The following NRG3 variants were observed in gnomAD, a reference collection of about 807,000 sequenced individuals.
NRG3 encodes the protein pro-neuregulin-3, membrane-bound isoform.
In NRG3, 31 loss-of-function variants were observed where a neutral mutation model predicts 66.9. That is an observed-to-expected ratio of 0.46 (90% CI 0.35 to 0.63). NRG3 has a LOEUF of 0.63. Ranked by LOEUF, NRG3 falls within the 20% of genes least tolerant of loss-of-function variation. The probability of loss-of-function intolerance (pLI) is 0.00; values close to 1 mark genes in which losing one functional copy is unlikely to be tolerated. For missense variants in NRG3, 910 were observed against 878.9 expected (o/e 1.04, Z -0.45); for synonymous variants, 393 against 359.4 (o/e 1.09, Z -1.06).
At chr10:82,373,843 T>C (rs2135762114) in intron 2 of NRG3, among the ~76,000 whole-genome samples, 1 of 152,314 alleles carries the variant, frequency 6.6e-6, no homozygotes, top group South Asian at 2.1e-4. Context: ...TGGGTTAGCA[T>C]ATGTGAAAGA....
chr10:82,464,423 C>T (rs372651755), intron 2 of NRG3, among the ~76,000 whole-genome samples: 3 of 152,126 alleles, frequency 2.0e-5, no homozygotes, highest in East Asian at 3.9e-4. Flanking sequence ...GATTGTGCAG[C>T]GGAATCCAAA....
intron 1 of NRG3, among the ~76,000 whole-genome samples, chr10:82,194,645 G>C (rs534373380): frequency 2.0e-5 from 3 of 152,232 alleles, no homozygotes; most frequent in African/African-American, 4.8e-5. Context: ...GTCAGACAGT[G>C]GTCTGAGCAG....
intron 3 of NRG3, among the ~76,000 whole-genome samples, chr10:82,855,168 G>T (rs775250523): frequency 6.6e-6 from 1 of 152,078 alleles, no homozygotes; most frequent in South Asian, 2.1e-4. Context: ...TTGTGAAGTG[G>T]TATTCGTCAT....
chr10:82,739,463 A>C (rs766677394), intron 3 of NRG3, among the ~76,000 whole-genome samples: 1 of 152,212 alleles, frequency 6.6e-6, no homozygotes, highest in South Asian at 2.1e-4. Context: ...GGTTTTCTGA[A>C]TATCATACAT....
At chr10:82,072,804 T>C (rs2064882206) in intron 1 of NRG3, among the ~76,000 whole-genome samples, 2 of 152,094 alleles carry the variant, frequency 1.3e-5, no homozygotes, top group Non-Finnish European at 2.9e-5. Context: ...TCTTGCTCCA[T>C]GGCCCAAGCT....
At chr10:82,081,573 A>G (rs991647007) in intron 1 of NRG3, among the ~76,000 whole-genome samples, 1 of 152,210 alleles carries the variant, frequency 6.6e-6, no homozygotes, top group African/African-American at 2.4e-5. Context: ...AGGTACTTCT[A>G]TATCTGAATT....
At chr10:82,061,814 C>T (rs1319051081) in intron 1 of NRG3, among the ~76,000 whole-genome samples, 2 of 151,608 alleles carry the variant, frequency 1.3e-5, no homozygotes, top group African/African-American at 4.9e-5. Flanking sequence ...TCCTTTCCTT[C>T]TGTTCTCTTC....
At position 82,001,627 on chromosome 10, in the gene NRG3, C is replaced by T. The variant is rs75832609; in HGVS notation, c.823+125464C>T. Among the ~76,000 whole-genome samples, 1,379 of 152,198 alleles carry T rather than the reference C, an allele frequency of 9.1e-3. 18 individuals are homozygous for T. Among genetic ancestry groups the T allele is most frequent in the African/African-American group, 0.032 (1,319 of 41,532 alleles). Reference sequence around the variant, plus strand: ...GAAAGCTTACCTTACTACGCAAGTGCCCTATTTTCTACACATAGGAAAGCT... The same window carrying T: ...GAAAGCTTACCTTACTACGCAAGTGTCCTATTTTCTACACATAGGAAAGCT... On this transcript the variant is annotated intron_variant, in intron 1 of 8. Transcript: ENST00000372141.
At chr10:82,201,476 T>C (rs975404931) in intron 1 of NRG3, among the ~76,000 whole-genome samples, 1 of 152,140 alleles carries the variant, frequency 6.6e-6, no homozygotes, top group Non-Finnish European at 1.5e-5. Context: ...GTCTTCTCAG[T>C]CTTCATGTTA....
At chr10:82,735,163 A>G (rs952078587) in intron 2 of NRG3, among the ~76,000 whole-genome samples, 1 of 152,184 alleles carries the variant, frequency 6.6e-6, no homozygotes, top group South Asian at 2.1e-4. Flanking sequence ...AACAATTACA[A>G]TGTCTCGGCT....
At chr10:82,662,960 A>C (rs2052480889) in intron 2 of NRG3, among the ~76,000 whole-genome samples, 1 of 152,200 alleles carries the variant, frequency 6.6e-6, no homozygotes, top group African/African-American at 2.4e-5. Context: ...AAGAAGAAAA[A>C]GACAACATGG....
intron 2 of NRG3, among the ~76,000 whole-genome samples, chr10:82,624,917 T>A (rs1333404547): frequency 5.0e-5 from 7 of 138,826 alleles, no homozygotes; most frequent in African/African-American, 7.8e-5. Flanking sequence ...ATATATATAT[T>A]TTATATATAT....
At chr10:82,618,574 C>A (rs888033045) in intron 2 of NRG3, among the ~76,000 whole-genome samples, 4 of 152,032 alleles carry the variant, frequency 2.6e-5, no homozygotes, top group Non-Finnish European at 5.9e-5. Context: ...GTGCATTTCT[C>A]AGCTCAAAAA....
At chr10:82,677,542 T>C (rs966473965) in intron 2 of NRG3, among the ~76,000 whole-genome samples, 1 of 152,178 alleles carries the variant, frequency 6.6e-6, no homozygotes, top group Non-Finnish European at 1.5e-5. Flanking sequence ...TCTTCTCTTA[T>C]GGCCATTTTC....
chr10:82,421,298 A>G (rs1460345164), intron 2 of NRG3, among the ~76,000 whole-genome samples: 1 of 152,118 alleles, frequency 6.6e-6, no homozygotes. Context: ...TGACACATGC[A>G]GAATTTGGGA....
At chr10:82,874,596 G>T (rs926011449) in intron 4 of NRG3, among the ~76,000 whole-genome samples, 6 of 152,240 alleles carry the variant, frequency 3.9e-5, no homozygotes, top group African/African-American at 2.4e-5. Context: ...GTTAAACTAC[G>T]TGAGAAATCA....
chr10:82,535,494 A>G (rs1847725785), intron 2 of NRG3, among the ~76,000 whole-genome samples: 1 of 152,054 alleles, frequency 6.6e-6, no homozygotes, highest in Admixed American at 6.6e-5. Context: ...CTATTTTGAG[A>G]TATATAGGAG....
intron 1 of NRG3, among the ~76,000 whole-genome samples, chr10:82,248,872 A>G (rs527990857): frequency 2.0e-5 from 3 of 152,252 alleles, no homozygotes; most frequent in East Asian, 1.9e-4. Flanking sequence ...GGCCCTCAAT[A>G]GTCCTGGTTT....
At chr10:82,791,410 G>C (rs1213133811) in intron 3 of NRG3, among the ~76,000 whole-genome samples, 1 of 151,114 alleles carries the variant, frequency 6.6e-6, no homozygotes, top group Non-Finnish European at 1.5e-5. Flanking sequence ...TTAACTTAGT[G>C]GTCCACTGAT....
Sources: allele counts gnomAD v4.1 joint callset (sites outside exome capture counted in the v4.1 genomes callset), GRCh38; gene constraint gnomAD v4.1.1; transcripts MANE v1.5; gene names NCBI Gene and HGNC (gene_info 2026-07-23, HGNC 2026-07-21).